Variants in OPHN1 observed in about 807,000 individuals in gnomAD.
The protein encoded by OPHN1 is oligophrenin 1.
In OPHN1, 11 loss-of-function variants were observed where a neutral mutation model predicts 60.7. The observed-to-expected ratio is 0.18, with a 90% CI of 0.11 to 0.30. The LOEUF is 0.30. OPHN1 is among the 10% of genes least tolerant of loss of function. The pLI is 1.00. For synonymous variants in OPHN1, 226 were observed against 222.6 expected, an observed-to-expected ratio of 1.02 and a Z score of -0.14; for missense variants, 449 against 611.0, an observed-to-expected ratio of 0.73 and a Z score of 2.80.
chrX:68,394,239 C>T (rs1457375977), intron 2 of OPHN1, among the ~76,000 whole-genome samples: 1 of 109,626 alleles, frequency 9.1e-6, no homozygotes, highest in Non-Finnish European at 1.9e-5. Context: ...CTCTGAAATG[C>T]CACCTTTATC....
At chrX:68,194,365 G>A (rs744219) in intron 13 of OPHN1, 100 bp downstream of exon 13, 1 of 708,402 alleles carries the variant, frequency 1.4e-6, no homozygotes, top group Admixed American at 2.3e-5. Context: ...TCCATATTCA[G>A]ACTTGCGTTA....
At chrX:68,064,317 T>C (rs1386638281) in intron 20 of OPHN1, 140 bp from the exon 21 acceptor site, 3 of 536,491 alleles carry the variant, frequency 5.6e-6, no homozygotes, top group African/African-American at 4.6e-5. Context: ...AAACCAACTA[T>C]ATCCCACAAA....
intron 6 of OPHN1, among the ~76,000 whole-genome samples, chrX:68,215,190 T>C (rs892232401): frequency 9.0e-6 from 1 of 110,726 alleles, no homozygotes. Context: ...AGACTACTTT[T>C]AAAGGGTTCA....
intron 10 of OPHN1, among the ~76,000 whole-genome samples, chrX:68,202,562 C>T (rs919259660): frequency 2.7e-5 from 3 of 109,757 alleles, no homozygotes; most frequent in Admixed American, 1.9e-4. Flanking sequence ...TACAGTAGTG[C>T]GATATCAGCT....
At chrX:68,168,932 C>T (rs1602207478) in intron 15 of OPHN1, among the ~76,000 whole-genome samples, 1 of 111,497 alleles carries the variant, frequency 9.0e-6, no homozygotes, top group East Asian at 2.8e-4. Context: ...TCGACACATA[C>T]ACCCACCCAA....
At chrX:68,393,930 C>G (rs2078668876) in intron 2 of OPHN1, among the ~76,000 whole-genome samples, 4 of 70,502 alleles carry the variant, frequency 5.7e-5, no homozygotes, top group South Asian at 1.3e-3. Flanking sequence ...GAGTCTCGCT[C>G]TGTTGCCCAG....
intron 18 of OPHN1, among the ~76,000 whole-genome samples, chrX:68,107,868 T>G (rs2077088291): frequency 8.9e-6 from 1 of 112,079 alleles, no homozygotes; most frequent in Admixed American, 9.4e-5. Flanking sequence ...TTTTTATTTG[T>G]GATTAGTAAG....
chrX:68,308,513 G>A (rs1043260213), intron 2 of OPHN1, among the ~76,000 whole-genome samples: 1 of 109,077 alleles, frequency 9.2e-6, no homozygotes, highest in Non-Finnish European at 1.9e-5. Flanking sequence ...GATCACTTGA[G>A]CTCAGGAGTC....
At chrX:68,220,027 C>A in intron 6 of OPHN1, among the ~76,000 whole-genome samples, 2 of 95,087 alleles carry the variant, frequency 2.1e-5, no homozygotes, top group African/African-American at 7.5e-5. Context: ...AATTGATAGA[C>A]CGCTAGCAAG....
At chrX:68,281,828 G>A (rs1368800670) in intron 4 of OPHN1, among the ~76,000 whole-genome samples, 1 of 112,439 alleles carries the variant, frequency 8.9e-6, no homozygotes, top group Non-Finnish European at 1.9e-5. Flanking sequence ...TGCATGATAT[G>A]TGATTAGGGA....
intron 15 of OPHN1, among the ~76,000 whole-genome samples, chrX:68,145,009 C>G (rs1400984096): frequency 1.8e-5 from 2 of 111,189 alleles, no homozygotes; most frequent in Admixed American, 9.6e-5. Context: ...TGCAGGTTTT[C>G]TAGGACAGTA....
chrX:68,193,013 G>A lies in OPHN1; in HGVS notation c.1202-20C>T, dbSNP rs1285993321. The stretch of plus-strand genomic sequence containing the variant: ...TGATCCCTAGTGGAGGAAAAAATCA[G>A]GTTAATTTCACTTGTATAGCTAGAG... On this transcript the variant is annotated intron_variant, in intron 14 of 24. Coordinates refer to ENST00000355520, the MANE Select transcript of OPHN1 (RefSeq NM_002547.3). 8.6e-7 allele frequency: 1 copy of A among 1,161,795 alleles called. No homozygotes were observed. The highest frequency in any genetic ancestry group is 1.2e-6 in the Non-Finnish European group (1 of 850,162).
At chrX:68,224,655 T>C (rs1489881589) in intron 6 of OPHN1, among the ~76,000 whole-genome samples, 2 of 112,401 alleles carry the variant, frequency 1.8e-5, no homozygotes, top group Non-Finnish European at 3.7e-5. Flanking sequence ...TTATTAATAA[T>C]GTAAGCTTCC....
intron 2 of OPHN1, among the ~76,000 whole-genome samples, chrX:68,357,713 A>G (rs1471544085): frequency 9.0e-6 from 1 of 110,764 alleles, no homozygotes; most frequent in Non-Finnish European, 1.9e-5. Flanking sequence ...CAATAAACAT[A>G]TGTGTGCATA....
intron 15 of OPHN1, among the ~76,000 whole-genome samples, chrX:68,145,973 C>T (rs2147482484): frequency 8.9e-6 from 1 of 111,762 alleles, no homozygotes; most frequent in South Asian, 3.7e-4. Context: ...ATTACAACTG[C>T]AGAACTGAGA....
chrX:68,150,939 A>T (rs969759649), intron 15 of OPHN1, among the ~76,000 whole-genome samples: 1 of 112,069 alleles, frequency 8.9e-6, no homozygotes, highest in Non-Finnish European at 1.9e-5. Context: ...TGAAATATAC[A>T]TGTCTCTCTA....
chrX:68,212,644 T>C (rs1454149381), intron 7 of OPHN1, among the ~76,000 whole-genome samples: 1 of 112,356 alleles, frequency 8.9e-6, no homozygotes, highest in Non-Finnish European at 1.9e-5. Flanking sequence ...TTACCCAGTA[T>C]AGCGCTAAAC....
At chrX:68,358,142 TAATA>T (rs1346627546) in intron 2 of OPHN1, among the ~76,000 whole-genome samples, 2 of 101,238 alleles carry the variant, frequency 2.0e-5, no homozygotes, top group Non-Finnish European at 4.0e-5. Flanking sequence ...AAAAAAAAAA[TAATA>T]AAATAAAATA....
chrX:68,357,927 T>C (rs1420683675), intron 2 of OPHN1, among the ~76,000 whole-genome samples: 3 of 109,580 alleles, frequency 2.7e-5, no homozygotes, highest in Non-Finnish European at 5.7e-5. Context: ...CCAGAAAAGT[T>C]GGTTACTCCA....
Sources: allele counts gnomAD v4.1 joint callset (sites outside exome capture counted in the v4.1 genomes callset), GRCh38; gene constraint gnomAD v4.1.1; transcripts MANE v1.5; gene names NCBI Gene and HGNC (gene_info 2026-07-23, HGNC 2026-07-21).